Variants in CPQ observed in about 807,000 individuals in gnomAD.
The protein encoded by CPQ is Ser-Met dipeptidase.
Under a neutral mutation model 45.7 loss-of-function variants are expected in CPQ, and 37 were observed. The ratio of observed to expected loss-of-function variants is 0.81; its 90% CI spans 0.62 to 1.07. CPQ has a LOEUF of 1.07. Among genes scored for constraint, CPQ ranks in the 50% least tolerant of loss-of-function variants. The pLI, the probability that CPQ is intolerant of heterozygous loss-of-function variation, is 0.00. For missense variants in CPQ, 537 were observed against 572.9 expected, an observed-to-expected ratio of 0.94 and a Z score of 0.64; for synonymous variants, 186 against 205.8, an observed-to-expected ratio of 0.90 and a Z score of 0.82.
intron 4 of CPQ, among the ~76,000 whole-genome samples, chr8:96,902,252 C>T (rs1034265328): frequency 2.0e-5 from 3 of 152,058 alleles, no homozygotes; most frequent in Admixed American, 6.6e-5. Context: ...ATATGTAAGT[C>T]GTAATTTAAT....
chr8:97,101,294 A>G (rs1811299440), intron 7 of CPQ, among the ~76,000 whole-genome samples: 1 of 152,160 alleles, frequency 6.6e-6, no homozygotes, highest in Admixed American at 6.6e-5. Flanking sequence ...CTGCATATTC[A>G]TAGAGTAATG....
chr8:96,843,260 T>C (rs1270816679), intron 3 of CPQ, among the ~76,000 whole-genome samples: 1 of 152,174 alleles, frequency 6.6e-6, no homozygotes, highest in Non-Finnish European at 1.5e-5. Flanking sequence ...TAGTAAGTTT[T>C]AAGTACATGT....
At chr8:97,123,404 G>A (rs1811792386) in intron 7 of CPQ, among the ~76,000 whole-genome samples, 1 of 150,582 alleles carries the variant, frequency 6.6e-6, no homozygotes, top group African/African-American at 2.4e-5. Context: ...TAAAAGAAAA[G>A]AGAATAAGTG....
At chr8:96,814,706 G>T (rs1811203187) in intron 2 of CPQ, among the ~76,000 whole-genome samples, 2 of 152,004 alleles carry the variant, frequency 1.3e-5, no homozygotes, top group Non-Finnish European at 2.9e-5. Flanking sequence ...TAACATCAGG[G>T]GCTCACAGTC....
chr8:96,836,172 T>C (rs1194750180), intron 3 of CPQ, among the ~76,000 whole-genome samples: 1 of 152,116 alleles, frequency 6.6e-6, no homozygotes, highest in African/African-American at 2.4e-5. Flanking sequence ...TTAATATCTA[T>C]TGGAAAGGGA....
chr8:96,890,318 T>C (rs1040409649), intron 4 of CPQ, among the ~76,000 whole-genome samples: 2 of 152,246 alleles, frequency 1.3e-5, no homozygotes, highest in Admixed American at 1.3e-4. Context: ...TTTCTGTAGC[T>C]GGTCACGTGG....
At chr8:97,135,980 C>T (rs1812051392) in intron 7 of CPQ, among the ~76,000 whole-genome samples, 1 of 152,110 alleles carries the variant, frequency 6.6e-6, no homozygotes, top group African/African-American at 2.4e-5. Flanking sequence ...ATGTGCCCAC[C>T]CATCTCTTCA....
In CPQ at chr8:96,769,626, A is replaced by ATT. The variant is rs34672966; in HGVS notation, c.-34-15216_-34-15215dup. ...GTTCATAGTTGGTTCTGTTTACTGG[A>ATT]TTTTTTTTTTTTTTTTTTTTTTTGA... On this transcript the variant is annotated intron_variant, in intron 1 of 7. Transcript: ENST00000220763. Among the ~76,000 whole-genome samples, 519 of 112,534 alleles carry ATT rather than the reference A, an allele frequency of 4.6e-3. 3 individuals are homozygous for ATT. The highest frequency in any genetic ancestry group is 5.6e-3 in the African/African-American group (165 of 29,602). The allele number at this position is 112,534 out of a possible 152,430, so 73.8% of individuals were successfully genotyped here. A position where few individuals can be genotyped will look rare whatever the true frequency, so the allele number is the denominator to read the frequency against.
At chr8:96,939,374 C>T (rs549640517) in intron 4 of CPQ, among the ~76,000 whole-genome samples, 1 of 152,298 alleles carries the variant, frequency 6.6e-6, no homozygotes, top group South Asian at 2.1e-4. Context: ...CCTAACAGGC[C>T]ACAGACTGGT....
chr8:96,914,726 TC>T (rs1812710152), intron 4 of CPQ, among the ~76,000 whole-genome samples: 1 of 152,066 alleles, frequency 6.6e-6, no homozygotes, highest in Non-Finnish European at 1.5e-5. Flanking sequence ...GTTTGCTGAC[TC>T]CAACTCGCCA....
chr8:96,804,413 A>G (rs1412007033), intron 2 of CPQ, among the ~76,000 whole-genome samples: 1 of 152,144 alleles, frequency 6.6e-6, no homozygotes, highest in Non-Finnish European at 1.5e-5. Flanking sequence ...TTTGAGTTTT[A>G]ATTTTTGTTG....
chr8:97,088,973 G>A (rs1811083925), intron 7 of CPQ, among the ~76,000 whole-genome samples: 1 of 152,146 alleles, frequency 6.6e-6, no homozygotes, highest in Non-Finnish European at 1.5e-5. Flanking sequence ...GCTGGGCATG[G>A]TGGCTCATAC....
chr8:96,782,595 A>G (rs1035449246), intron 1 of CPQ, among the ~76,000 whole-genome samples: 15 of 152,118 alleles, frequency 9.9e-5, no homozygotes, highest in African/African-American at 3.6e-4. Context: ...TTTCTAGCAA[A>G]TGGTTGTGTG....
chr8:96,819,150 A>G (rs1441515797), intron 2 of CPQ, among the ~76,000 whole-genome samples: 6 of 152,098 alleles, frequency 3.9e-5, no homozygotes, highest in Non-Finnish European at 8.8e-5. Context: ...ATCATCACAC[A>G]ATTACCTTTT....
At chr8:96,952,326 A>G (rs1221543168) in intron 4 of CPQ, among the ~76,000 whole-genome samples, 1 of 152,026 alleles carries the variant, frequency 6.6e-6, no homozygotes, top group African/African-American at 2.4e-5. Flanking sequence ...CTCTGTGGAA[A>G]AGTAGAATGT....
At chr8:97,140,202 A>G (rs762578915) in intron 7 of CPQ, among the ~76,000 whole-genome samples, 6 of 152,048 alleles carry the variant, frequency 3.9e-5, no homozygotes, top group Admixed American at 1.3e-4. Context: ...TAATTCAAGA[A>G]TAAGTACAAA....
intron 1 of CPQ, among the ~76,000 whole-genome samples, chr8:96,684,593 G>A (rs747421156): frequency 2.0e-5 from 3 of 152,158 alleles, no homozygotes; most frequent in Non-Finnish European, 4.4e-5. Flanking sequence ...GTACTTGGGT[G>A]CCATCAGTGG....
chr8:96,918,213 T>C lies in CPQ; in HGVS notation c.849+38208T>C, dbSNP rs1228976524. On this transcript the variant is annotated intron_variant, in intron 4 of 7. Coordinates refer to ENST00000220763, the MANE Select transcript of CPQ (RefSeq NM_016134.4). Reference sequence around the variant, plus strand: ...CAACACTTTCAACTCTTTTAGCTGTTCACATCAATTTGTCTAAAATCTAAA... The same window carrying C: ...CAACACTTTCAACTCTTTTAGCTGTCCACATCAATTTGTCTAAAATCTAAA... 2.0e-5 allele frequency among the ~76,000 whole-genome samples: 3 copies of C among 152,280 alleles called. No individual in the cohort carries two copies. In the East Asian group the frequency reaches 5.8e-4, roughly 29 times the overall value.
intron 2 of CPQ, among the ~76,000 whole-genome samples, chr8:96,799,185 C>T (rs1030469236): frequency 3.3e-5 from 5 of 152,168 alleles, no homozygotes; most frequent in Non-Finnish European, 7.3e-5. Context: ...TCACCATGGC[C>T]TATTCTTTCT....
Sources: gnomAD v4.1 joint callset for allele counts (sites outside exome capture counted in the v4.1 genomes callset) on GRCh38, gnomAD v4.1.1 for gene constraint, MANE v1.5 for transcripts, NCBI Gene and HGNC (gene_info 2026-07-23, HGNC 2026-07-21) for gene names.